DOP1A: variants seen among roughly 807,000 people sequenced by gnomAD.
DOP1A encodes the protein protein DOP1A.
Under a neutral mutation model 267.6 loss-of-function variants are expected in DOP1A, and 90 were observed. The ratio of observed to expected loss-of-function variants is 0.34; its 90% CI spans 0.28 to 0.40. DOP1A has a LOEUF of 0.40. Among genes scored for constraint, DOP1A ranks in the 10% least tolerant of loss-of-function variants. DOP1A has a pLI of 1.00. For missense variants in DOP1A, 2,437 were observed against 2,900.4 expected, an observed-to-expected ratio of 0.84 and a Z score of 3.67; for synonymous variants, 932 against 999.1, an observed-to-expected ratio of 0.93 and a Z score of 1.27.
intron 1 of DOP1A, among the ~76,000 whole-genome samples, chr6:83,080,052 T>G (rs566252818): frequency 6.6e-6 from 1 of 152,176 alleles, no homozygotes; most frequent in African/African-American, 2.4e-5. Context: ...ATGTGGTCAA[T>G]CTAGATAATT....
chr6:83,079,913 CCT>C (rs1447267240), intron 1 of DOP1A, among the ~76,000 whole-genome samples: 3 of 152,220 alleles, frequency 2.0e-5, no homozygotes, highest in Non-Finnish European at 4.4e-5. Context: ...TTGCGTTTCA[CCT>C]CTCTAATCAT....
Position 83,138,177 on chromosome 6 carries a change from T to G in DOP1A, c.4135T>G (p.Ser1379Ala). The change falls in exon 21 of 39, where the codon TCC (serine) becomes GCC (alanine). Residue 1379 changes from serine to alanine, a missense_variant. Physicochemically the swap from Ser to Ala is moderately conservative, Grantham distance 99 (BLOSUM62 1). Coordinates refer to ENST00000349129, the MANE Select transcript of DOP1A (RefSeq NM_015018.4). Reference protein sequence around the residue: ...VLLYLQLYDSSRTLYAFSAIK... With the variant: ...VLLYLQLYDSARTLYAFSAIK... The stretch of plus-strand genomic sequence containing the variant: ...CCTGTATCTCCAGTTGTATGATTCA[T>G]CCAGGACTTTGTATGCTTTCTCTGC... The G allele has an allele frequency of 6.2e-7, 1 of 1,613,924 alleles. No homozygotes were observed. Among genetic ancestry groups the G allele is most frequent in the Non-Finnish European group, 8.5e-7 (1 of 1,179,898 alleles).
intron 30 of DOP1A, among the ~76,000 whole-genome samples, chr6:83,152,764 T>C (rs1289051669): frequency 6.6e-6 from 1 of 151,812 alleles, no homozygotes; most frequent in Non-Finnish European, 1.5e-5. Context: ...ACTACGGGTG[T>C]GTGCCACAAT....
At position 83,121,975 on chromosome 6, in the gene DOP1A, T is replaced by C. The variant is rs1776440855; in HGVS notation, c.1145T>C (p.Leu382Ser). Residue 382 changes from leucine (L) to serine (S), a missense_variant, in exon 11 of 39, where the codon TTA becomes TCA. Coordinates refer to ENST00000349129, the MANE Select transcript of DOP1A (RefSeq NM_015018.4). ...EDVLIEVFRT[L>S]YSQCKAELDL... is the part of the protein sequence containing the mutation. ...GTCCTGATTGAAGTGTTTAGAACAT[T>C]ATATTCTCAATGCAAAGCAGAGTTG... 2 of 1,611,386 alleles carry C rather than the reference T, an allele frequency of 1.2e-6. No individual in the cohort carries two copies. The highest frequency in any genetic ancestry group is 1.7e-4 in the Middle Eastern group (1 of 6,052).
intron 1 of DOP1A, among the ~76,000 whole-genome samples, chr6:83,079,507 C>T (rs190747816): frequency 1.9e-4 from 29 of 152,036 alleles, no homozygotes; most frequent in Non-Finnish European, 2.5e-4. Flanking sequence ...ATGTATAGTA[C>T]GGCATTGTTA....
intron 26 of DOP1A, among the ~76,000 whole-genome samples, chr6:83,148,486 A>G (rs138375579): frequency 6.6e-6 from 1 of 151,580 alleles, no homozygotes; most frequent in Admixed American, 6.6e-5. Flanking sequence ...CATAATCCCA[A>G]CACTTTGGGA....
intron 1 of DOP1A, among the ~76,000 whole-genome samples, chr6:83,093,709 C>A (rs1405753578): frequency 6.6e-6 from 1 of 152,168 alleles, no homozygotes; most frequent in Non-Finnish European, 1.5e-5. Context: ...AGTTCGAGAC[C>A]AGCCTGGCCA....
At chr6:83,095,947 A>G (rs1562289181) in intron 1 of DOP1A, among the ~76,000 whole-genome samples, 1 of 152,136 alleles carries the variant, frequency 6.6e-6, no homozygotes, top group East Asian at 1.9e-4. Context: ...TAATGATAAG[A>G]GAGTAAAGAG....
intron 38 of DOP1A, 58 bp downstream of exon 38, chr6:83,162,977 G>T: frequency 6.5e-7 from 1 of 1,526,986 alleles, no homozygotes. Flanking sequence ...CATTAGTGAG[G>T]TATTTATTAA....
chr6:83,093,562 A>G (rs909263715), intron 1 of DOP1A, among the ~76,000 whole-genome samples: 1 of 152,254 alleles, frequency 6.6e-6, no homozygotes, highest in African/African-American at 2.4e-5. Flanking sequence ...TAAATTTCAC[A>G]TGTAATTTAA....
chr6:83,100,739 C>A lies in DOP1A; in HGVS notation c.173C>A (p.Pro58His). 6.5e-7 allele frequency: 1 copy of A among 1,540,506 alleles called. No homozygotes were observed. The highest frequency in any genetic ancestry group is 8.7e-7 in the Non-Finnish European group (1 of 1,143,526). Residue 58 changes from proline to histidine, a missense_variant, in exon 4 of 39, where the codon CCC (proline) becomes CAC (histidine). Transcript: ENST00000349129. ...AATAATGCAAAGTACCAAGTAGTAC[C>A]CAAAAAGCTGACCATAGGCAAACGC... ...LQNNAKYQVV[P>H]KKLTIGKRLA...
intron 1 of DOP1A, among the ~76,000 whole-genome samples, chr6:83,069,080 T>TA (rs1434237747): frequency 6.6e-6 from 1 of 152,196 alleles, no homozygotes; most frequent in East Asian, 1.9e-4. Context: ...ATTTTGTAGT[T>TA]AAAGTAAAGG....
intron 25 of DOP1A, among the ~76,000 whole-genome samples, chr6:83,146,564 G>A (rs992251476): frequency 1.3e-5 from 2 of 152,118 alleles, no homozygotes; most frequent in Admixed American, 6.6e-5. Flanking sequence ...CCAATCCACT[G>A]TCCTGCCCCA....
At chr6:83,158,070 C>T (rs1269971343) in intron 35 of DOP1A, among the ~76,000 whole-genome samples, 1 of 152,044 alleles carries the variant, frequency 6.6e-6, no homozygotes, top group Non-Finnish European at 1.5e-5. Flanking sequence ...GAGATCTCAG[C>T]TCACTGCAAG....
intron 20 of DOP1A, 25 bp from the exon 21 acceptor site, chr6:83,137,148 T>C: frequency 6.6e-7 from 1 of 1,507,306 alleles, no homozygotes; most frequent in East Asian, 2.3e-5. Flanking sequence ...ATTTTTCTTC[T>C]TTTACTGTTT....
chr6:83,160,824 T>C (rs1784056835), intron 37 of DOP1A, among the ~76,000 whole-genome samples: 2 of 152,154 alleles, frequency 1.3e-5, no homozygotes, highest in Admixed American at 1.3e-4. Context: ...GGATAAAGAG[T>C]ATGCTACTGA....
At position 83,140,123 on chromosome 6, in the gene DOP1A, C is replaced by A; in HGVS notation, c.5232+12C>A. 2 of 1,607,556 alleles carry A rather than the reference C, an allele frequency of 1.2e-6. No individual in the cohort carries two copies. Among genetic ancestry groups the A allele is most frequent in the Non-Finnish European group, 8.5e-7 (1 of 1,175,806 alleles). On this transcript the variant is annotated intron_variant, in intron 22 of 38. Coordinates refer to ENST00000349129, the MANE Select transcript of DOP1A (RefSeq NM_015018.4). ...CACAGTATCACCAAGTAAGACTGCA[C>A]AAATATTTGACTTCTTTTGAAAGAC... is the stretch of plus-strand genomic sequence containing the variant.
chr6:83,136,874 C>G (rs1778941767), intron 20 of DOP1A, among the ~76,000 whole-genome samples: 1 of 152,000 alleles, frequency 6.6e-6, no homozygotes, highest in Admixed American at 6.6e-5. Flanking sequence ...TCCACCTTTT[C>G]TAAAAGAAGA....
chr6:83,118,410 G>C lies in DOP1A; in HGVS notation c.781-478G>C, dbSNP rs191934384. 5.0e-4 allele frequency among the ~76,000 whole-genome samples: 76 copies of C among 152,014 alleles called. No individual in the cohort carries two copies. In the East Asian group the frequency reaches 0.011, roughly 22 times the overall value. On this transcript the variant is annotated intron_variant, in intron 7 of 38. Transcript: ENST00000349129. ...TAAAGCTGGATGATTGGTAGAAAAC[G>C]GTTTATTATTTTGTTTTCTGTATTT...
Sources: gnomAD v4.1 joint callset for allele counts (sites outside exome capture counted in the v4.1 genomes callset) on GRCh38, gnomAD v4.1.1 for gene constraint, MANE v1.5 for transcripts, NCBI Gene and HGNC (gene_info 2026-07-23, HGNC 2026-07-21) for gene names.